The following CCDC187 variants were observed in gnomAD, a reference collection of about 807,000 sequenced individuals.
The protein encoded by CCDC187 is coiled-coil domain-containing protein 187.
CCDC187 carries 32 observed loss-of-function variants against 38.0 expected under a neutral mutation model. The ratio of observed to expected loss-of-function variants is 0.84; its 90% CI spans 0.64 to 1.13. The LOEUF (loss-of-function observed/expected upper bound fraction) is 1.13. Among genes scored for constraint, CCDC187 ranks in the 50% most tolerant of loss-of-function variants. The pLI, the probability that CCDC187 is intolerant of heterozygous loss-of-function variation, is 0.00. For missense variants in CCDC187, 707 were observed against 786.8 expected (o/e 0.90, Z 1.21); for synonymous variants, 333 against 347.9 (o/e 0.96, Z 0.48).
At position 136,254,850 on chromosome 9, in the gene CCDC187, C is replaced by T. The variant is rs1231945243; in HGVS notation, c.4978G>A (p.Glu1660Lys). 3.2e-5 allele frequency: 32 copies of T among 985,346 alleles called. No individual in the cohort carries two copies. The highest frequency in any genetic ancestry group is 6.1e-5 in the Admixed American group (1 of 16,278). The allele number at this position is 985,346 out of a possible 1,614,324, so 61.0% of individuals were successfully genotyped here. A position where few individuals can be genotyped will look rare whatever the true frequency, so the allele number is the denominator to read the frequency against. The change falls in exon 26 of 26, where the codon GAA (glutamate) becomes AAA (lysine). Residue 1660 changes from glutamate (E) to lysine (K), a missense_variant. Transcript: ENST00000638797. ...PSLEAEDSPD[E>K]GFSWPGELSA... ...AGCTCTCCAGGCCAGCTGAAACCTT[C>T]GTCTGGGGAGTCTTCAGCTTCCAAG... is the stretch of plus-strand genomic sequence containing the variant.
intron 6 of CCDC187, among the ~76,000 whole-genome samples, 176 bp from the exon 7 acceptor site, chr9:136,290,229 G>A: frequency 6.6e-6 from 1 of 152,228 alleles, no homozygotes. Context: ...GGTCCCTCCG[G>A]AGCCCCGTTG....
chr9:136,290,428 G>A (rs1005868747), intron 6 of CCDC187, 58 bp downstream of exon 6: 23 of 398,490 alleles, frequency 5.8e-5, no homozygotes, highest in South Asian at 2.6e-4. Context: ...GCACCTGAGC[G>A]CCTAAGCCTC....
At chr9:136,274,046 G>T (rs1424143189) in intron 14 of CCDC187, among the ~76,000 whole-genome samples, 1 of 152,250 alleles carries the variant, frequency 6.6e-6, no homozygotes, top group Non-Finnish European at 1.5e-5. Flanking sequence ...GCTGTGCAGA[G>T]AGCTTTCCCA....
rs1564310684 is a variant in CCDC187 at position 136,267,664 on chromosome 9, G to A, written c.3520-153C>T. On this transcript the variant is annotated intron_variant, in intron 15 of 25. Coordinates refer to ENST00000638797, the MANE Select transcript of CCDC187 (RefSeq NM_001378188.1). ...TCCGAGAAGCCCTCTCGGACTGCCC[G>A]CCCCTCCCATCCCCCTATGCCGCCC... The A allele has an allele frequency of 4.2e-6, 4 of 958,048 alleles. No homozygotes were observed. The East Asian group carries it at 4.6e-4, about 111-fold the overall frequency. The allele number at this position is 958,048 out of a possible 1,614,324, so 59.3% of individuals were successfully genotyped here.
intron 16 of CCDC187, 165 bp downstream of exon 16, chr9:136,267,219 A>C (rs1414666284): frequency 4.2e-6 from 1 of 239,148 alleles, no homozygotes; most frequent in Non-Finnish European, 6.8e-6. Context: ...AGTTTCAGCA[A>C]ACACCTATTA....
At chr9:136,300,474 C>T (rs1424592468) in intron 2 of CCDC187, among the ~76,000 whole-genome samples, 156 bp from the exon 3 acceptor site, 4 of 152,342 alleles carry the variant, frequency 2.6e-5, no homozygotes, top group Non-Finnish European at 4.4e-5. Flanking sequence ...AGTGCAATGG[C>T]GCAATCTCAG....
chr9:136,268,147 T>C (rs1203926958), intron 14 of CCDC187, 22 bp from the exon 15 acceptor site: 65 of 985,274 alleles, frequency 6.6e-5, no homozygotes, highest in Non-Finnish European at 7.6e-5. Context: ...AGCGCCATGG[T>C]TGGGTCATGT....
At position 136,263,578 on chromosome 9, in the gene CCDC187, C is replaced by T. The variant is rs1303169007; in HGVS notation, c.3912+44G>A. 5 of 984,224 alleles carry T rather than the reference C, an allele frequency of 5.1e-6. No homozygotes were observed. The African/African-American group carries it at 5.2e-5, about 10-fold the overall frequency. The allele number at this position is 984,224 out of a possible 1,614,324, so 61.0% of individuals were successfully genotyped here. The stretch of plus-strand genomic sequence containing the variant: ...GACTTGCACGATCATGGGAAGGGGA[C>T]AGCATTTCTGCAGCTGAGTCCCAGC... On this transcript the variant is annotated intron_variant, in intron 18 of 25. Coordinates refer to ENST00000638797, the MANE Select transcript of CCDC187 (RefSeq NM_001378188.1).
chr9:136,285,821 C>A (rs1831165886), intron 8 of CCDC187: 2 of 396,968 alleles, frequency 5.0e-6, no homozygotes, highest in African/African-American at 4.1e-5. Flanking sequence ...GGCCAGAGAA[C>A]AAGACAGGAG....
At chr9:136,277,092 G>C (rs1830946170) in intron 10 of CCDC187, among the ~76,000 whole-genome samples, 1 of 152,106 alleles carries the variant, frequency 6.6e-6, no homozygotes, top group South Asian at 2.1e-4. Flanking sequence ...CCCAGGACAT[G>C]GGCTTTGCCC....
rs1831315964 is a variant in CCDC187 at position 136,291,082 on chromosome 9, C to A, written c.1531G>T (p.Gly511Cys). 1.0e-5 allele frequency: 4 copies of A among 398,540 alleles called. No individual in the cohort carries two copies. The highest frequency in any genetic ancestry group is 1.8e-5 in the Non-Finnish European group (4 of 226,138). The allele number at this position is 398,540 out of a possible 1,614,324, so 24.7% of individuals were successfully genotyped here. ...CTCCCAGGCCTCTGGGAGGAGGGGC[C>A]CTGTCTTTGGGCCCCCCAGGCCCTC... ...PQRAWGAQRQ[G>C]PSSQRPGSPP... Residue 511 changes from glycine to cysteine, a missense_variant, in exon 6 of 26, where the codon GGC (glycine) becomes TGC (cysteine). By Grantham distance (159) the Gly-to-Cys change is radical. Transcript: ENST00000638797.
At chr9:136,271,204 G>T (rs192657881) in intron 14 of CCDC187, among the ~76,000 whole-genome samples, 9 of 152,266 alleles carry the variant, frequency 5.9e-5, no homozygotes, top group Admixed American at 4.6e-4. Flanking sequence ...TCCACAGGTC[G>T]AAGAATCTCA....
chr9:136,285,664 G>T (rs1404407697), intron 8 of CCDC187, 58 bp from the exon 9 acceptor site: 2 of 399,302 alleles, frequency 5.0e-6, no homozygotes, highest in South Asian at 1.2e-4. Context: ...CGGGACGGGG[G>T]ACCCAAGCCA....
Position 136,292,304 on chromosome 9 carries a change from G to A in CCDC187, c.833-9C>T. On this transcript the variant is annotated splice_polypyrimidine_tract_variant and intron_variant, in intron 4 of 25. Coordinates refer to ENST00000638797, the MANE Select transcript of CCDC187 (RefSeq NM_001378188.1). The stretch of plus-strand genomic sequence containing the variant: ...ACCAACCAGCTCCGAATCTTAAACA[G>A]AGAAAACATACACACAGCCGGGCGC... The A allele has an allele frequency of 2.5e-6, 1 of 398,698 alleles. No homozygotes were observed. Among genetic ancestry groups the A allele is most frequent in the Non-Finnish European group, 4.4e-6 (1 of 226,102 alleles). 24.7% of individuals were successfully genotyped at this position (398,698 alleles called of 1,614,324 possible).
At chr9:136,293,080 ATGCTCACACACTCACAAACACTCACAT>A (rs1831375433) in intron 4 of CCDC187, among the ~76,000 whole-genome samples, 10 of 152,246 alleles carry the variant, frequency 6.6e-5, no homozygotes, top group Admixed American at 1.3e-4. Context: ...CTGGGCTCAC[ATGCTCACACACTCACAAACACTCACAT>A]TGCTCACACA....
Position 136,291,093 on chromosome 9 carries a change from G to GC in CCDC187, c.1519dup (p.Ala507GlyfsTer16), listed in dbSNP as rs1831316698. On this transcript the variant is annotated frameshift_variant, in exon 6 of 26. Coordinates refer to ENST00000638797, the MANE Select transcript of CCDC187 (RefSeq NM_001378188.1). LOFTEE classifies it high-confidence loss of function. ...CTGGGAGGAGGGGCCCTGTCTTTGG[G>GC]CCCCCCAGGCCCTCTGCGGACTGCA... 1 of 398,468 alleles carries GC rather than the reference G, an allele frequency of 2.5e-6. No homozygotes were observed. 24.7% of individuals were successfully genotyped at this position (398,468 alleles called of 1,614,324 possible).
chr9:136,250,436 A>G lies in CCDC187; in HGVS notation c.*3158T>C, dbSNP rs1396594088. The stretch of plus-strand genomic sequence containing the variant: ...CTGGGAGCCATCAGATTCGCTGCAA[A>G]TCTGCGGGGCTTCAGTGGTGGAGAT... On this transcript the variant is annotated 3_prime_UTR_variant, in exon 26 of 26. Transcript: ENST00000638797. 1 of 294,258 alleles carries G rather than the reference A, an allele frequency of 3.4e-6. No individual in the cohort carries two copies. Among genetic ancestry groups the G allele is most frequent in the African/African-American group, 2.2e-5 (1 of 45,370 alleles). 18.2% of individuals were successfully genotyped at this position (294,258 alleles called of 1,614,324 possible). A position where few individuals can be genotyped will look rare whatever the true frequency, so the allele number is the denominator to read the frequency against.
intron 14 of CCDC187, among the ~76,000 whole-genome samples, chr9:136,271,551 C>A (rs1447277074): frequency 3.3e-5 from 5 of 150,302 alleles, no homozygotes; most frequent in African/African-American, 1.2e-4. Flanking sequence ...TGAAGAATAA[C>A]AATAACAAAG....
intron 10 of CCDC187, among the ~76,000 whole-genome samples, chr9:136,276,999 G>A (rs984779621): frequency 0.11 from 16,377 of 151,990 alleles, 1,203 homozygotes; most frequent in Admixed American, 0.19. Flanking sequence ...GCATCTCCTC[G>A]TCCCTGCTAA....
Sources: allele counts gnomAD v4.1 joint callset (sites outside exome capture counted in the v4.1 genomes callset), GRCh38; gene constraint gnomAD v4.1.1; transcripts MANE v1.5; gene names NCBI Gene and HGNC (gene_info 2026-07-23, HGNC 2026-07-21).